The following SMARCA1 variants were observed in gnomAD, a reference collection of about 807,000 sequenced individuals.
The protein encoded by SMARCA1 is SWI/SNF-related matrix-associated actin-dependent regulator of chromatin subfamily A member 1.
A neutral mutation model predicts 93.6 loss-of-function variants in SMARCA1; 17 were observed. That is an observed-to-expected ratio of 0.18 (90% CI 0.12 to 0.27). SMARCA1 has a LOEUF of 0.27. Among genes scored for constraint, SMARCA1 ranks in the 10% least tolerant of loss-of-function variants. The pLI is 1.00. For synonymous variants in SMARCA1, 271 were observed against 271.4 expected, an observed-to-expected ratio of 1.00 and a Z score of 0.01; for missense variants, 630 against 819.0, an observed-to-expected ratio of 0.77 and a Z score of 2.82.
chrX:129,477,742 A>C (rs1392253778), intron 19 of SMARCA1, among the ~76,000 whole-genome samples: 1 of 111,293 alleles, frequency 9.0e-6, no homozygotes, highest in Non-Finnish European at 1.9e-5. Flanking sequence ...ACAATAAGTA[A>C]CACATGTAAG....
intron 8 of SMARCA1, 99 bp from the exon 9 acceptor site, chrX:129,504,901 T>C: frequency 2.0e-6 from 1 of 494,011 alleles, no homozygotes; most frequent in Non-Finnish European, 3.4e-6. Context: ...ATAATGCATT[T>C]AAAAAGTACT....
In SMARCA1 at chrX:129,516,312, G is replaced by C. The variant is rs1935200005; in HGVS notation, c.428+19C>G. On this transcript the variant is annotated intron_variant, in intron 3 of 24. Transcript: ENST00000371121. ...GGTAGGAGAAAGGAAAGAAAGTAGA[G>C]AGAGAGGTGCCAACATACTCTCCAG... 3 of 1,194,723 alleles carry C rather than the reference G, an allele frequency of 2.5e-6. No individual in the cohort carries two copies. In the African/African-American group the frequency reaches 5.3e-5, roughly 21 times the overall value.
At chrX:129,451,491 C>A (rs750251297) in intron 23 of SMARCA1, among the ~76,000 whole-genome samples, 2 of 111,161 alleles carry the variant, frequency 1.8e-5, no homozygotes, top group African/African-American at 6.5e-5. Flanking sequence ...TTTGAGACAG[C>A]CTCCTAAGCA....
chrX:129,446,948 C>T lies in SMARCA1; in HGVS notation c.*214G>A. On this transcript the variant is annotated 3_prime_UTR_variant, in exon 25 of 25. Coordinates refer to ENST00000371121, the MANE Select transcript of SMARCA1 (RefSeq NM_001282874.2). ...AGGATTTTGATGAAGACATGAAATGCACAAAATACAGTACACAAAAATACT... is the reference window on the plus strand; with the variant it reads ...AGGATTTTGATGAAGACATGAAATGTACAAAATACAGTACACAAAAATACT... 1 of 346,576 alleles carries T rather than the reference C, an allele frequency of 2.9e-6. No homozygotes were observed. Among genetic ancestry groups the T allele is most frequent in the South Asian group, 5.4e-5 (1 of 18,644 alleles). The allele number at this position is 346,576 out of a possible 1,213,427, so 28.6% of individuals were successfully genotyped here.
chrX:129,470,041 C>T (rs1297316069), intron 20 of SMARCA1, among the ~76,000 whole-genome samples: 1 of 111,236 alleles, frequency 9.0e-6, no homozygotes, highest in African/African-American at 3.3e-5. Flanking sequence ...AAAATCCATA[C>T]AATAAAATTA....
At chrX:129,458,837 G>A (rs901834091) in intron 23 of SMARCA1, among the ~76,000 whole-genome samples, 2 of 111,965 alleles carry the variant, frequency 1.8e-5, no homozygotes, top group African/African-American at 3.2e-5. Context: ...GTTCTATGAG[G>A]TCAGAATTTT....
Position 129,507,950 on chromosome X carries a change from T to C in SMARCA1, c.957A>G (p.Glu319=), listed in dbSNP as rs752493581. 7.0e-6 allele frequency: 8 copies of C among 1,145,284 alleles called. No homozygotes were observed. The Admixed American group carries it at 2.2e-4, about 32-fold the overall frequency. The allele number at this position is 1,145,284 out of a possible 1,213,427, so 94.4% of individuals were successfully genotyped here. ...VIDEAHRIKN[E]KSKLSEIVRE... ...GATATTGATAACTTACCTTAGATTT[T>C]TCATTCTTTATTCTGTGAGCTTCAT... Residue 319 remains glutamate (E), a synonymous_variant, in exon 7 of 25, where the codon GAA becomes GAG. Coordinates refer to ENST00000371121, the MANE Select transcript of SMARCA1 (RefSeq NM_001282874.2).
chrX:129,454,527 C>A (rs978430177), intron 23 of SMARCA1, among the ~76,000 whole-genome samples: 9 of 111,969 alleles, frequency 8.0e-5, no homozygotes, highest in Non-Finnish European at 1.3e-4. Context: ...GGGAGAAAAT[C>A]TTTGCAATCT....
At chrX:129,448,264 A>C in intron 24 of SMARCA1, 69 bp downstream of exon 24, 1 of 1,023,757 alleles carries the variant, frequency 9.8e-7, no homozygotes, top group Non-Finnish European at 1.4e-6. Flanking sequence ...ATTAAACATA[A>C]TATAGGCATT....
At position 129,504,696 on chromosome X, in the gene SMARCA1, T is replaced by C. The variant is rs771653172; in HGVS notation, c.1167+38A>G. The C allele has an allele frequency of 4.1e-6, 4 of 986,185 alleles. No individual in the cohort carries two copies. The African/African-American group carries it at 7.6e-5, about 19-fold the overall frequency. 81.3% of individuals were successfully genotyped at this position (986,185 alleles called of 1,213,427 possible). A position where few individuals can be genotyped will look rare whatever the true frequency, so the allele number is the denominator to read the frequency against. On this transcript the variant is annotated intron_variant, in intron 9 of 24. Coordinates refer to ENST00000371121, the MANE Select transcript of SMARCA1 (RefSeq NM_001282874.2). The stretch of plus-strand genomic sequence containing the variant: ...GTTTTCTGGGTCAGTTTGTGTATAC[T>C]ATTTAATTACTGAATGTTCTTGTCT...
intron 2 of SMARCA1, among the ~76,000 whole-genome samples, chrX:129,517,979 G>A (rs1441802558): frequency 1.8e-5 from 2 of 110,785 alleles, no homozygotes; most frequent in South Asian, 3.8e-4. Flanking sequence ...ACAAAAATAC[G>A]TCAATCTGGC....
intron 23 of SMARCA1, among the ~76,000 whole-genome samples, chrX:129,451,894 A>G (rs777048010): frequency 2.5e-4 from 28 of 110,754 alleles, no homozygotes; most frequent in African/African-American, 8.8e-4. Flanking sequence ...TAGTAGAGAC[A>G]GGGTTTCACC....
At chrX:129,502,056 G>A (rs1370458789) in intron 9 of SMARCA1, among the ~76,000 whole-genome samples, 1 of 112,059 alleles carries the variant, frequency 8.9e-6, no homozygotes, top group African/African-American at 3.2e-5. Flanking sequence ...AAGGACAGGG[G>A]AAGAGTAAAA....
chrX:129,501,489 T>C lies in SMARCA1; in HGVS notation c.1168-1648A>G, dbSNP rs757249533. On this transcript the variant is annotated intron_variant, in intron 9 of 24. Transcript: ENST00000371121. The stretch of plus-strand genomic sequence containing the variant: ...TTTTCCTATTTTAGTAGAGATGAGG[T>C]TTCACCATGTTGCCCAGGCTGGTCT... Among the ~76,000 whole-genome samples the C allele has an allele frequency of 4.7e-5, 5 of 106,664 alleles. No homozygotes were observed. The South Asian group carries it at 1.7e-3, about 36-fold the overall frequency. The allele number at this position is 106,664 out of a possible 115,157, so 92.6% of individuals were successfully genotyped here.
intron 19 of SMARCA1, among the ~76,000 whole-genome samples, chrX:129,478,489 T>TA (rs1349146367): frequency 9.9e-5 from 11 of 111,438 alleles, no homozygotes; most frequent in African/African-American, 3.3e-4. Flanking sequence ...CCTCTATTCT[T>TA]ATACCTCTCC....
chrX:129,515,647 T>C lies in SMARCA1; in HGVS notation c.630+40A>G, dbSNP rs144895415. ...GTTTTTCAAATTTACATAAAAATCA[T>C]TGATAACTGAGAATGTGTTTTTAGC... On this transcript the variant is annotated intron_variant, in intron 5 of 24. Coordinates refer to ENST00000371121, the MANE Select transcript of SMARCA1 (RefSeq NM_001282874.2). The C allele has an allele frequency of 1.6e-3, 1,523 of 945,037 alleles. 17 individuals are homozygous for C. In the African/African-American group the frequency reaches 0.026, roughly 16 times the overall value. The allele number at this position is 945,037 out of a possible 1,213,427, so 77.9% of individuals were successfully genotyped here.
At chrX:129,493,428 C>A (rs181669218) in intron 12 of SMARCA1, among the ~76,000 whole-genome samples, 29 of 111,501 alleles carry the variant, frequency 2.6e-4, no homozygotes, top group East Asian at 1.9e-3. Context: ...TCATATATTA[C>A]TTGCATAATC....
At chrX:129,518,625 G>T in intron 1 of SMARCA1, 178 bp from the exon 2 acceptor site, 1 of 299,554 alleles carries the variant, frequency 3.3e-6, no homozygotes. Context: ...GATTAATCCA[G>T]TTCTGTACAC....
At chrX:129,482,229 C>T (rs745821508) in intron 17 of SMARCA1, among the ~76,000 whole-genome samples, 2 of 97,481 alleles carry the variant, frequency 2.1e-5, no homozygotes, top group African/African-American at 7.6e-5. Context: ...ATACCTAATG[C>T]TAAATGACGA....
Sources: gnomAD v4.1 joint callset for allele counts (sites outside exome capture counted in the v4.1 genomes callset) on GRCh38, gnomAD v4.1.1 for gene constraint, MANE v1.5 for transcripts, NCBI Gene and HGNC (gene_info 2026-07-23, HGNC 2026-07-21) for gene names.